Variants in GRIN2A observed in about 807,000 individuals in gnomAD.
GRIN2A encodes glutamate ionotropic receptor NMDA type subunit 2A.
A neutral mutation model predicts 113.4 loss-of-function variants in GRIN2A; 22 were observed. That is an observed-to-expected ratio of 0.19 (90% CI 0.14 to 0.28). GRIN2A has a LOEUF of 0.28. Among genes scored for constraint, GRIN2A ranks in the 10% least tolerant of loss-of-function variants. The probability of loss-of-function intolerance (pLI) is 1.00; values close to 1 mark genes in which losing one functional copy is unlikely to be tolerated. For missense variants in GRIN2A, 1,502 were observed against 1,887.0 expected (o/e 0.80, Z 3.78); for synonymous variants, 827 against 738.4 (o/e 1.12, Z -1.94).
intron 8 of GRIN2A, 104 bp from the exon 9 acceptor site, chr16:9,829,756 G>A (rs752960122): frequency 1.1e-4 from 87 of 762,440 alleles, no homozygotes; most frequent in Non-Finnish European, 1.9e-4. Context: ...GTTGCCAGAA[G>A]ATGGAATTAT....
At chr16:10,125,029 C>T (rs527368224) in intron 2 of GRIN2A, among the ~76,000 whole-genome samples, 2 of 152,178 alleles carry the variant, frequency 1.3e-5, no homozygotes, top group South Asian at 4.2e-4. Flanking sequence ...AACAAAGCCC[C>T]AAAAAAGCAC....
intron 2 of GRIN2A, among the ~76,000 whole-genome samples, chr16:9,983,207 C>T (rs904742449): frequency 2.6e-5 from 4 of 152,118 alleles, no homozygotes; most frequent in African/African-American, 9.7e-5. Context: ...AATACTAGAA[C>T]CTATGCTTCC....
chr16:9,938,475 T>A lies in GRIN2A; in HGVS notation c.491A>T (p.Asp164Val). 6.2e-7 allele frequency: 1 copy of A among 1,613,502 alleles called. No individual in the cohort carries two copies. The highest frequency in any genetic ancestry group is 8.5e-7 in the Non-Finnish European group (1 of 1,180,006). The change falls in exon 3 of 13, where the codon GAT (aspartate) becomes GTT (valine). Residue 164 changes from aspartate to valine, a missense_variant. Physicochemically the swap from Asp to Val is radical, Grantham distance 152. Transcript: ENST00000330684. ...CAGGGAGAAGACATGCCAGTCATAA[T>A]CCTGCATGATCTTCAGCATGACCGT... is the stretch of plus-strand genomic sequence containing the variant. ...QATVMLKIMQ[D>V]YDWHVFSLVT...
rs147419689 is a variant in GRIN2A, at chr16:9,760,913, C to T, written c.*2236G>A. The T allele has an allele frequency of 2.1e-3, 480 of 232,584 alleles. 1 individual carries two copies. Among genetic ancestry groups the T allele is most frequent in the Non-Finnish European group, 3.2e-3 (378 of 117,684 alleles). The allele number at this position is 232,584 out of a possible 1,614,324, so 14.4% of individuals were successfully genotyped here. On this transcript the variant is annotated 3_prime_UTR_variant, in exon 13 of 13. Transcript: ENST00000330684. ...AGAAAGGGCTAAAAGGCTACACAGT[C>T]ATGGAGATTCAGATTTAGGATCAGA... is the stretch of plus-strand genomic sequence containing the variant.
intron 2 of GRIN2A, among the ~76,000 whole-genome samples, chr16:9,947,778 T>A (rs1031067773): frequency 6.6e-6 from 1 of 151,954 alleles, no homozygotes; most frequent in Non-Finnish European, 1.5e-5. Flanking sequence ...GAGGCTCCAT[T>A]TTCTCATTTT....
At chr16:9,855,935 G>C (rs1263007940) in intron 4 of GRIN2A, among the ~76,000 whole-genome samples, 1 of 152,184 alleles carries the variant, frequency 6.6e-6, no homozygotes, top group Non-Finnish European at 1.5e-5. Flanking sequence ...TTTTCTCAAA[G>C]CTGGCTCTTC....
chr16:9,785,315 C>G (rs1371372906), intron 11 of GRIN2A, among the ~76,000 whole-genome samples: 2 of 151,916 alleles, frequency 1.3e-5, no homozygotes, highest in African/African-American at 4.8e-5. Flanking sequence ...TGGAAACCAT[C>G]ATTCTCAGCA....
chr16:9,875,343 CT>C (rs2043343518), intron 4 of GRIN2A, among the ~76,000 whole-genome samples: 1 of 152,134 alleles, frequency 6.6e-6, no homozygotes, highest in Non-Finnish European at 1.5e-5. Flanking sequence ...AATATGCAAC[CT>C]CTTTTTATCT....
chr16:9,841,139 G>A (rs2042670686), intron 5 of GRIN2A, 35 bp from the exon 6 acceptor site: 7 of 1,543,820 alleles, frequency 4.5e-6, no homozygotes, highest in East Asian at 2.3e-5. Context: ...CAGAATGTTA[G>A]CACTGGAAGG....
At chr16:9,897,479 T>C (rs908118822) in intron 3 of GRIN2A, among the ~76,000 whole-genome samples, 2 of 152,142 alleles carry the variant, frequency 1.3e-5, no homozygotes, top group African/African-American at 4.8e-5. Flanking sequence ...TCACGTTAGA[T>C]AGCCAGCCAC....
rs552455832 is a variant in GRIN2A at position 9,963,070 on chromosome 16, A to G, written c.415-24519T>C. Among the ~76,000 whole-genome samples the G allele has an allele frequency of 8.8e-4, 125 of 141,502 alleles. 1 individual carries two copies. In the South Asian group the frequency reaches 0.027, roughly 31 times the overall value. 92.8% of individuals were successfully genotyped at this position (141,502 alleles called of 152,430 possible). A position where few individuals can be genotyped will look rare whatever the true frequency, so the allele number is the denominator to read the frequency against. ...CTCACTCATAGGTGGGAACTGAACAATGAGAACACACGGACACAGGAAAGG... is the reference window on the plus strand; with the variant it reads ...CTCACTCATAGGTGGGAACTGAACAGTGAGAACACACGGACACAGGAAAGG... On this transcript the variant is annotated intron_variant, in intron 2 of 12. Transcript: ENST00000330684.
At chr16:10,140,165 G>C (rs1241029207) in intron 2 of GRIN2A, among the ~76,000 whole-genome samples, 1 of 152,132 alleles carries the variant, frequency 6.6e-6, no homozygotes, top group African/African-American at 2.4e-5. Context: ...GTTACCTTAT[G>C]TTCTGTTGAT....
chr16:10,159,383 G>A (rs2049767083), intron 2 of GRIN2A, among the ~76,000 whole-genome samples: 1 of 152,176 alleles, frequency 6.6e-6, no homozygotes, highest in Admixed American at 6.5e-5. Flanking sequence ...TAGGGGAACA[G>A]GTCAGGAACC....
Position 10,098,770 on chromosome 16 carries a change from G to T in GRIN2A, c.414+81228C>A, listed in dbSNP as rs376559854. Among the ~76,000 whole-genome samples, 24 of 152,248 alleles carry T rather than the reference G, an allele frequency of 1.6e-4. No homozygotes were observed. In the East Asian group the frequency reaches 4.6e-3, roughly 29 times the overall value. ...AGAGCTAAGCTATGAGAATGCAAAGGCATAAGAATGACACAATGGACGCTG... is the reference window on the plus strand; with the variant it reads ...AGAGCTAAGCTATGAGAATGCAAAGTCATAAGAATGACACAATGGACGCTG... On this transcript the variant is annotated intron_variant, in intron 2 of 12. Coordinates refer to ENST00000330684, the MANE Select transcript of GRIN2A (RefSeq NM_001134407.3).
rs555060109 is a variant in GRIN2A, at chr16:10,124,881, A to G, written c.414+55117T>C. Reference sequence around the variant, plus strand: ...GCAGGACTGTCACGAAGCCCTCTCAAAGGAAATGCCCCAAAAGCCAAGTTG... The same window carrying G: ...GCAGGACTGTCACGAAGCCCTCTCAGAGGAAATGCCCCAAAAGCCAAGTTG... On this transcript the variant is annotated intron_variant, in intron 2 of 12. Transcript: ENST00000330684. Among the ~76,000 whole-genome samples the G allele has an allele frequency of 4.4e-4, 67 of 152,308 alleles. 1 individual carries two copies. The highest frequency in any genetic ancestry group is 2.9e-5 in the Non-Finnish European group (2 of 68,026).
chr16:9,779,425 T>G (rs536668674), intron 11 of GRIN2A, among the ~76,000 whole-genome samples: 1 of 152,308 alleles, frequency 6.6e-6, no homozygotes, highest in East Asian at 1.9e-4. Context: ...TCACTTCCAT[T>G]TGATCTGTAT....
intron 2 of GRIN2A, chr16:10,112,611 T>G: frequency 2.6e-6 from 2 of 770,758 alleles, no homozygotes; most frequent in Non-Finnish European, 4.8e-6. Context: ...CAAGAAGTAC[T>G]GGGGCATGGG....
intron 7 of GRIN2A, among the ~76,000 whole-genome samples, chr16:9,835,673 A>G (rs2042572961): frequency 6.6e-6 from 1 of 152,182 alleles, no homozygotes; most frequent in South Asian, 2.1e-4. Context: ...TAGTAAACAT[A>G]TTATTATTTT....
At chr16:10,005,895 C>T (rs146660707) in intron 2 of GRIN2A, among the ~76,000 whole-genome samples, 1 of 152,310 alleles carries the variant, frequency 6.6e-6, no homozygotes, top group Non-Finnish European at 1.5e-5. Flanking sequence ...TACACAGTGA[C>T]ACACACATTT....
Sources: gnomAD v4.1 joint callset for allele counts (sites outside exome capture counted in the v4.1 genomes callset) on GRCh38, gnomAD v4.1.1 for gene constraint, MANE v1.5 for transcripts, NCBI Gene and HGNC (gene_info 2026-07-23, HGNC 2026-07-21) for gene names.